PDZD8: variants seen among roughly 807,000 people sequenced by gnomAD.
The protein encoded by PDZD8 is PDZ domain-containing protein 8.
PDZD8 carries 14 observed loss-of-function variants against 85.8 expected under a neutral mutation model. That is an observed-to-expected ratio of 0.16 (90% CI 0.11 to 0.26). The LOEUF is 0.26. Among genes scored for constraint, PDZD8 ranks in the 10% least tolerant of loss-of-function variants. The pLI, the probability that PDZD8 is intolerant of heterozygous loss-of-function variation, is 1.00. For synonymous variants in PDZD8, 592 were observed against 568.6 expected, an observed-to-expected ratio of 1.04 and a Z score of -0.59; for missense variants, 1,197 against 1,424.3, an observed-to-expected ratio of 0.84 and a Z score of 2.57.
chr10:117,353,294 A>G (rs4751622), intron 1 of PDZD8, among the ~76,000 whole-genome samples: 14,997 of 152,204 alleles, frequency 0.099, 1,060 homozygotes, highest in East Asian at 0.34. Flanking sequence ...GGAGTCCTAG[A>G]GGGAGTGGAA....
Position 117,337,146 on chromosome 10 carries a change from G to T in PDZD8, c.995+3834C>A, listed in dbSNP as rs182341791. ...TAAAGTTTCCTTTGTTGTCTTAGCTGCCAGAAAATTGATCTCTTTTCCATG... is the reference window on the plus strand; with the variant it reads ...TAAAGTTTCCTTTGTTGTCTTAGCTTCCAGAAAATTGATCTCTTTTCCATG... On this transcript the variant is annotated intron_variant, in intron 2 of 4. Transcript: ENST00000334464. Among the ~76,000 whole-genome samples the T allele has an allele frequency of 1.5e-4, 22 of 151,346 alleles. No individual in the cohort carries two copies. The East Asian group carries it at 4.3e-3, about 29-fold the overall frequency.
In PDZD8 at chr10:117,374,028, C is replaced by G. The variant is rs1845243092; in HGVS notation, c.872+328G>C. Among the ~76,000 whole-genome samples the G allele has an allele frequency of 6.6e-6, 1 of 152,084 alleles. No individual in the cohort carries two copies. The highest frequency in any genetic ancestry group is 1.5e-5 in the Non-Finnish European group (1 of 68,028). On this transcript the variant is annotated intron_variant, in intron 1 of 4. Coordinates refer to ENST00000334464, the MANE Select transcript of PDZD8 (RefSeq NM_173791.5). This position sits in a 1 kb window ranked among gnomAD's most constrained non-coding sequence, Gnocchi z 7.8. ...GCAACCACATAGAGGGAGAGTTTCT[C>G]AACAGTCCCAGAAGCGACTCCTGGG...
At chr10:117,359,130 C>T (rs1348252636) in intron 1 of PDZD8, among the ~76,000 whole-genome samples, 3 of 152,048 alleles carry the variant, frequency 2.0e-5, no homozygotes, top group Non-Finnish European at 2.9e-5. Flanking sequence ...TAACAATAGT[C>T]AGGGCCAGGC....
At chr10:117,313,206 G>A (rs1844068351) in intron 3 of PDZD8, among the ~76,000 whole-genome samples, 1 of 152,094 alleles carries the variant, frequency 6.6e-6, no homozygotes, top group African/African-American at 2.4e-5. Context: ...CTAGTCACAT[G>A]CTTCTGAGCC....
chr10:117,304,466 C>A (rs532668857), intron 3 of PDZD8, among the ~76,000 whole-genome samples: 2 of 152,140 alleles, frequency 1.3e-5, no homozygotes, highest in South Asian at 2.1e-4. Context: ...TGGGTTAATG[C>A]TGAAATGAGT....
intron 4 of PDZD8, among the ~76,000 whole-genome samples, chr10:117,287,313 A>G (rs1289943004): frequency 6.6e-6 from 1 of 152,058 alleles, no homozygotes; most frequent in Non-Finnish European, 1.5e-5. Flanking sequence ...TGCACCTTAT[A>G]TGCAACTGTT....
intron 1 of PDZD8, among the ~76,000 whole-genome samples, chr10:117,362,476 C>T (rs1016149407): frequency 6.6e-6 from 1 of 152,076 alleles, no homozygotes; most frequent in Non-Finnish European, 1.5e-5. Context: ...TCCTCATCTT[C>T]TAATCCTACT....
intron 3 of PDZD8, among the ~76,000 whole-genome samples, chr10:117,317,011 T>C (rs1844141588): frequency 6.6e-6 from 1 of 152,126 alleles, no homozygotes; most frequent in Non-Finnish European, 1.5e-5. Flanking sequence ...ATTAGACATC[T>C]TGCAACCATC....
chr10:117,310,316 A>G (rs2133795719), intron 3 of PDZD8, among the ~76,000 whole-genome samples: 1 of 152,232 alleles, frequency 6.6e-6, no homozygotes, highest in East Asian at 1.9e-4. Flanking sequence ...TCACAGTACT[A>G]CTGATACTCA....
intron 2 of PDZD8, among the ~76,000 whole-genome samples, chr10:117,326,360 C>G (rs977461367): frequency 6.6e-6 from 1 of 152,176 alleles, no homozygotes; most frequent in African/African-American, 2.4e-5. Flanking sequence ...TATGCCATAA[C>G]CAGAGACATT....
intron 4 of PDZD8, among the ~76,000 whole-genome samples, chr10:117,288,900 T>A (rs1844711883): frequency 6.6e-6 from 1 of 152,226 alleles, no homozygotes; most frequent in Admixed American, 6.5e-5. Context: ...TTAATTAATT[T>A]ATTTTTGATA....
At chr10:117,316,219 T>C (rs1014779023) in intron 3 of PDZD8, among the ~76,000 whole-genome samples, 1 of 152,204 alleles carries the variant, frequency 6.6e-6, no homozygotes, top group Non-Finnish European at 1.5e-5. Context: ...TTTTATTGTA[T>C]AAATGAGCTA....
chr10:117,286,394 T>C (rs1331378941), intron 4 of PDZD8, among the ~76,000 whole-genome samples: 1 of 152,172 alleles, frequency 6.6e-6, no homozygotes, highest in Non-Finnish European at 1.5e-5. Flanking sequence ...ATGTAGAACT[T>C]AGAGAAAGAA....
chr10:117,297,829 G>A (rs1219912722), intron 3 of PDZD8, among the ~76,000 whole-genome samples: 1 of 152,048 alleles, frequency 6.6e-6, no homozygotes, highest in African/African-American at 2.4e-5. Context: ...TCACCACACT[G>A]TACCCTTAGT....
chr10:117,360,070 G>A (rs1256312390), intron 1 of PDZD8, among the ~76,000 whole-genome samples: 1 of 152,008 alleles, frequency 6.6e-6, no homozygotes, highest in Non-Finnish European at 1.5e-5. Context: ...TCCTATTTCT[G>A]CATAGAATGA....
At chr10:117,299,016 C>G (rs936554682) in intron 3 of PDZD8, among the ~76,000 whole-genome samples, 11 of 152,106 alleles carry the variant, frequency 7.2e-5, no homozygotes, top group African/African-American at 2.7e-4. Context: ...CCTCCATATC[C>G]ATCACAGTCC....
chr10:117,363,684 A>C (rs2093598426), intron 1 of PDZD8, among the ~76,000 whole-genome samples: 1 of 152,156 alleles, frequency 6.6e-6, no homozygotes, highest in Non-Finnish European at 1.5e-5. Context: ...TTTTGTTTTT[A>C]AGTACATACC....
chr10:117,291,568 G>A (rs572525538), intron 3 of PDZD8, among the ~76,000 whole-genome samples: 15 of 151,748 alleles, frequency 9.9e-5, no homozygotes, highest in Non-Finnish European at 1.8e-4. Context: ...GGGATGATGG[G>A]GATGGTGGTG....
chr10:117,303,869 T>C (rs570358420), intron 3 of PDZD8, among the ~76,000 whole-genome samples: 16 of 152,330 alleles, frequency 1.1e-4, no homozygotes, highest in African/African-American at 2.6e-4. Context: ...AGAAGATGTA[T>C]GGAAATGCCT....
Sources: allele counts gnomAD v4.1 joint callset (sites outside exome capture counted in the v4.1 genomes callset), GRCh38; gene constraint gnomAD v4.1.1; non-coding constraint Gnocchi (gnomAD v3.1); transcripts MANE v1.5; gene names NCBI Gene and HGNC (gene_info 2026-07-23, HGNC 2026-07-21).